Variants in EPHA3 observed in about 807,000 individuals in gnomAD.
EPHA3 encodes the protein EPH receptor A3, also known as ephrin type-A receptor 3.
EPHA3 carries 42 observed loss-of-function variants against 107.1 expected under a neutral mutation model. The observed-to-expected ratio is 0.39, with a 90% CI of 0.31 to 0.51. The LOEUF (loss-of-function observed/expected upper bound fraction) is 0.51. Among genes scored for constraint, EPHA3 ranks in the 20% least tolerant of loss-of-function variants. The probability of loss-of-function intolerance (pLI) is 0.78; values close to 1 mark genes in which losing one functional copy is unlikely to be tolerated. For missense variants in EPHA3, 1,183 were observed against 1,211.2 expected (o/e 0.98, Z 0.35); for synonymous variants, 461 against 424.8 (o/e 1.09, Z -1.05).
chr3:89,424,759 T>C (rs1709423561), intron 11 of EPHA3, among the ~76,000 whole-genome samples: 1 of 151,514 alleles, frequency 6.6e-6, no homozygotes, highest in African/African-American at 2.4e-5. Context: ...ACTTACTGTA[T>C]GCCTTACATT....
At chr3:89,313,256 A>C (rs138489905) in intron 3 of EPHA3, among the ~76,000 whole-genome samples, 14 of 152,034 alleles carry the variant, frequency 9.2e-5, no homozygotes, top group Non-Finnish European at 1.8e-4. Context: ...TACAGATAGC[A>C]TATAATTGGA....
At position 89,450,201 on chromosome 3, in the gene EPHA3, T is replaced by A; in HGVS notation, c.2521T>A (p.Tyr841Asn). 3.1e-6 allele frequency: 5 copies of A among 1,608,006 alleles called. No homozygotes were observed. Among genetic ancestry groups the A allele is most frequent in the Non-Finnish European group, 3.4e-6 (4 of 1,177,214 alleles). The change falls in exon 15 of 17, where the codon TAT becomes AAT. Residue 841 changes from tyrosine to asparagine, a missense_variant. Transcript: ENST00000336596. ...GGTAATTAAAGCTGTAGATGAGGGC[T>A]ATCGACTGCCACCCCCCATGGACTG... is the stretch of plus-strand genomic sequence containing the variant. ...QDVIKAVDEG[Y>N]RLPPPMDCPA...
intron 16 of EPHA3, among the ~76,000 whole-genome samples, chr3:89,479,163 T>G (rs73139139): frequency 0.2 from 29,873 of 152,078 alleles, 3,592 homozygotes; most frequent in Non-Finnish European, 0.26. Flanking sequence ...AAATCGCATT[T>G]TGAGGTTTGG....
At position 89,481,230 on chromosome 3, in the gene EPHA3, A is replaced by T. The variant is rs1710615929; in HGVS notation, c.*1728A>T. On this transcript the variant is annotated 3_prime_UTR_variant, in exon 17 of 17. Transcript: ENST00000336596. ...AAACTCACAAGTGCTCATCTGTTGTAGATTTAGTGTAATAAGACTTAGATT... is the reference window on the plus strand; with the variant it reads ...AAACTCACAAGTGCTCATCTGTTGTTGATTTAGTGTAATAAGACTTAGATT... 8.6e-6 allele frequency: 2 copies of T among 232,182 alleles called. No homozygotes were observed. Among genetic ancestry groups the T allele is most frequent in the African/African-American group, 4.4e-5 (2 of 45,314 alleles). 14.4% of individuals were successfully genotyped at this position (232,182 alleles called of 1,614,324 possible).
At chr3:89,158,908 A>G (rs1172066658) in intron 2 of EPHA3, among the ~76,000 whole-genome samples, 1 of 152,152 alleles carries the variant, frequency 6.6e-6, no homozygotes, top group Non-Finnish European at 1.5e-5. Flanking sequence ...TAAAGAAAAA[A>G]TTCCTATGCA....
At chr3:89,400,028 A>C (rs1708926390) in intron 7 of EPHA3, 11 of 1,037,298 alleles carry the variant, frequency 1.1e-5, no homozygotes, top group Non-Finnish European at 1.3e-5. Flanking sequence ...AAAACTGGCA[A>C]ACATTTTTCC....
At chr3:89,424,833 T>C (rs1709425471) in intron 11 of EPHA3, among the ~76,000 whole-genome samples, 1 of 151,482 alleles carries the variant, frequency 6.6e-6, no homozygotes, top group African/African-American at 2.4e-5. Flanking sequence ...TTGTTATCTT[T>C]GAAGATGTTA....
intron 11 of EPHA3, among the ~76,000 whole-genome samples, chr3:89,426,031 G>A (rs1709448691): frequency 6.6e-6 from 1 of 151,638 alleles, no homozygotes; most frequent in African/African-American, 2.4e-5. Flanking sequence ...TGCAAATTTT[G>A]TTTTGCTCAT....
At chr3:89,209,472 G>A (rs1261843875) in intron 2 of EPHA3, among the ~76,000 whole-genome samples, 2 of 152,020 alleles carry the variant, frequency 1.3e-5, no homozygotes, top group Non-Finnish European at 2.9e-5. Flanking sequence ...AGATTAATAA[G>A]CATGAATTTT....
chr3:89,241,540 T>G (rs1238701047), intron 3 of EPHA3, among the ~76,000 whole-genome samples: 1 of 152,204 alleles, frequency 6.6e-6, no homozygotes, highest in Non-Finnish European at 1.5e-5. Context: ...TCCACTACCA[T>G]TACTAATACA....
intron 6 of EPHA3, 102 bp from the exon 7 acceptor site, chr3:89,399,216 G>C: frequency 1.8e-6 from 2 of 1,084,952 alleles, no homozygotes; most frequent in Non-Finnish European, 2.6e-6. Flanking sequence ...TATGATTTGT[G>C]TTAAAATATA....
At chr3:89,345,013 T>C (rs181736156) in intron 5 of EPHA3, among the ~76,000 whole-genome samples, 1 of 151,332 alleles carries the variant, frequency 6.6e-6, no homozygotes, top group African/African-American at 2.4e-5. Flanking sequence ...TTCAAACTTA[T>C]AACGACATAA....
chr3:89,476,910 G>A (rs961981250), intron 16 of EPHA3, among the ~76,000 whole-genome samples: 3 of 151,868 alleles, frequency 2.0e-5, no homozygotes, highest in African/African-American at 7.3e-5. Flanking sequence ...TTTAGGAAGG[G>A]GAAAGGGAAG....
At chr3:89,402,386 T>A (rs1467130805) in intron 7 of EPHA3, among the ~76,000 whole-genome samples, 3 of 152,134 alleles carry the variant, frequency 2.0e-5, no homozygotes, top group Non-Finnish European at 2.9e-5. Flanking sequence ...AAACTGTGAG[T>A]TACACATTTT....
intron 16 of EPHA3, among the ~76,000 whole-genome samples, chr3:89,473,186 G>T (rs1188166392): frequency 6.6e-6 from 1 of 152,166 alleles, no homozygotes; most frequent in Non-Finnish European, 1.5e-5. Flanking sequence ...GTTTAAGATA[G>T]AATTTTTGGG....
intron 3 of EPHA3, among the ~76,000 whole-genome samples, chr3:89,305,117 G>A (rs1001067288): frequency 1.3e-5 from 2 of 152,054 alleles, no homozygotes; most frequent in Non-Finnish European, 2.9e-5. Context: ...TGTTCCTATT[G>A]TTAAGGAATT....
chr3:89,413,155 C>T lies in EPHA3; in HGVS notation c.1777C>T (p.Leu593Phe). The change falls in exon 10 of 17, where the codon CTC (leucine) becomes TTC (phenylalanine). Residue 593 changes from leucine to phenylalanine, a missense_variant. Transcript: ENST00000336596. ...TCCTCAAACAGTAAAACTTCCAGGT[C>T]TCAGGACTTATGTTGACCCACATAC... is the stretch of plus-strand genomic sequence containing the variant. ...FGNGHLKLPGLRTYVDPHTYE... is the reference protein window; with the variant it reads ...FGNGHLKLPGFRTYVDPHTYE... 1 of 1,611,336 alleles carries T rather than the reference C, an allele frequency of 6.2e-7. No individual in the cohort carries two copies. Among genetic ancestry groups the T allele is most frequent in the East Asian group, 2.2e-5 (1 of 44,792 alleles).
chr3:89,196,401 A>G (rs985775228), intron 2 of EPHA3, among the ~76,000 whole-genome samples: 1 of 152,144 alleles, frequency 6.6e-6, no homozygotes, highest in Non-Finnish European at 1.5e-5. Flanking sequence ...TCCCACTGGT[A>G]TGGAAGCTCC....
At chr3:89,453,621 A>T (rs1710039025) in intron 15 of EPHA3, among the ~76,000 whole-genome samples, 2 of 152,182 alleles carry the variant, frequency 1.3e-5, no homozygotes, top group South Asian at 4.1e-4. Context: ...ATTTTGTCAT[A>T]ATACATTTAT....
Sources: gnomAD v4.1 joint callset for allele counts (sites outside exome capture counted in the v4.1 genomes callset) on GRCh38, gnomAD v4.1.1 for gene constraint, MANE v1.5 for transcripts, NCBI Gene and HGNC (gene_info 2026-07-23, HGNC 2026-07-21) for gene names.